The following PCDHGA4 variants were observed in gnomAD, a reference collection of about 807,000 sequenced individuals.
PCDHGA4 encodes protocadherin gamma-A4.
In PCDHGA4, 38 loss-of-function variants were observed where a neutral mutation model predicts 54.6. The ratio of observed to expected loss-of-function variants is 0.70; its 90% CI spans 0.54 to 0.91. PCDHGA4 has a LOEUF of 0.91. PCDHGA4 is among the 40% of genes least tolerant of loss of function. PCDHGA4 has a pLI of 0.00. For synonymous variants in PCDHGA4, 511 were observed against 512.9 expected, an observed-to-expected ratio of 1.00 and a Z score of 0.05; for missense variants, 1,298 against 1,220.9, an observed-to-expected ratio of 1.06 and a Z score of -0.94.
In PCDHGA4 at chr5:141,485,609, G is replaced by A. The variant is rs1432367043; in HGVS notation, c.2515-9198G>A. The A allele has an allele frequency of 6.2e-7, 1 of 1,612,252 alleles. No homozygotes were observed. Among genetic ancestry groups the A allele is most frequent in the Non-Finnish European group, 8.5e-7 (1 of 1,178,656 alleles). On this transcript the variant is annotated intron_variant, in intron 1 of 3. Transcript: ENST00000571252. This position sits in a 1 kb window ranked among gnomAD's most constrained non-coding sequence, Gnocchi z 5.7. ...GCTGGACTTGGAAATTGGGGAGGCA[G>A]CTCCTCCAGGACAGCGTTTCCCGTT...
In PCDHGA4 at chr5:141,477,982, G is replaced by A; in HGVS notation, c.2515-16825G>A. ...CTAACCAGAGCCTTTTTGCCATAGG[G>A]CTGCACACTGGTCAAATCAGTACTG... is the stretch of plus-strand genomic sequence containing the variant. On this transcript the variant is annotated intron_variant, in intron 1 of 3. Transcript: ENST00000571252. The surrounding 1 kb of genome is among the most constrained non-coding windows in gnomAD (Gnocchi z 4.9). 6.2e-7 allele frequency: 1 copy of A among 1,614,066 alleles called. No individual in the cohort carries two copies. Among genetic ancestry groups the A allele is most frequent in the Non-Finnish European group, 8.5e-7 (1 of 1,180,014 alleles).
chr5:141,446,692 G>T (rs543476108), intron 1 of PCDHGA4, among the ~76,000 whole-genome samples: 2 of 152,280 alleles, frequency 1.3e-5, no homozygotes, highest in African/African-American at 4.8e-5. Context: ...TGGCCAGGCT[G>T]GTCTCGAACT....
At chr5:141,498,089 A>G (rs1402239680) in intron 2 of PCDHGA4, among the ~76,000 whole-genome samples, 3 of 152,370 alleles carry the variant, frequency 2.0e-5, no homozygotes, top group South Asian at 2.1e-4. Context: ...GTAGAATTGT[A>G]TCTGGTGGTG....
Position 141,477,265 on chromosome 5 carries a change from G to T in PCDHGA4, c.2515-17542G>T. On this transcript the variant is annotated intron_variant, in intron 1 of 3. Coordinates refer to ENST00000571252, the MANE Select transcript of PCDHGA4 (RefSeq NM_018917.4). The surrounding 1 kb of genome is among the most constrained non-coding windows in gnomAD (Gnocchi z 4.9). ...GTGTGACTGACCTGGATGCTGGCGA[G>T]AACGGGCTGGTGACCTGCGAAGTTC... 6.2e-7 allele frequency: 1 copy of T among 1,614,198 alleles called. No individual in the cohort carries two copies. Among genetic ancestry groups the T allele is most frequent in the Non-Finnish European group, 8.5e-7 (1 of 1,180,044 alleles).
Position 141,485,449 on chromosome 5 carries a change from A to G in PCDHGA4, c.2515-9358A>G, listed in dbSNP as rs2099613844. 6.2e-7 allele frequency: 1 copy of G among 1,614,054 alleles called. No homozygotes were observed. The highest frequency in any genetic ancestry group is 2.2e-5 in the East Asian group (1 of 44,876). On this transcript the variant is annotated intron_variant, in intron 1 of 3. Coordinates refer to ENST00000571252, the MANE Select transcript of PCDHGA4 (RefSeq NM_018917.4). The surrounding 1 kb of genome is among the most constrained non-coding windows in gnomAD (Gnocchi z 5.7). ...TGCTCATCAAGAACCCAATCGACCG[A>G]GAGGCACTGTGTGGGCTCAGTGCCA...
At chr5:141,450,551 G>T (rs2098684306) in intron 1 of PCDHGA4, among the ~76,000 whole-genome samples, 1 of 150,822 alleles carries the variant, frequency 6.6e-6, no homozygotes, top group Admixed American at 6.6e-5. Flanking sequence ...CAGTGGCGCA[G>T]TCTCGGCTCA....
At position 141,489,664 on chromosome 5, in the gene PCDHGA4, A is replaced by G. The variant is rs745597010; in HGVS notation, c.2515-5143A>G. On this transcript the variant is annotated intron_variant, in intron 1 of 3. Transcript: ENST00000571252. The surrounding 1 kb of genome is among the most constrained non-coding windows in gnomAD (Gnocchi z 4.5). ...TGCCACCCCTGAGCGAGAGATGCGCATCTCAGAATCAGCAGCATCTGGGGC... is the reference window on the plus strand; with the variant it reads ...TGCCACCCCTGAGCGAGAGATGCGCGTCTCAGAATCAGCAGCATCTGGGGC... 1 of 1,614,106 alleles carries G rather than the reference A, an allele frequency of 6.2e-7. No homozygotes were observed. The highest frequency in any genetic ancestry group is 8.5e-7 in the Non-Finnish European group (1 of 1,180,050).
rs750401937 is a variant in PCDHGA4 at position 141,487,357 on chromosome 5, T to G, written c.2515-7450T>G. 5.0e-6 allele frequency: 8 copies of G among 1,614,212 alleles called. No homozygotes were observed. The highest frequency in any genetic ancestry group is 6.8e-6 in the Non-Finnish European group (8 of 1,180,032). ...CCTGTGGAGTCACATGCTTTCCTGC[T>G]GGCACCTGTGCCTGTCTCACCAGAT... On this transcript the variant is annotated intron_variant, in intron 1 of 3. Transcript: ENST00000571252. This position sits in a 1 kb window ranked among gnomAD's most constrained non-coding sequence, Gnocchi z 5.0.
chr5:141,491,034 T>A lies in PCDHGA4; in HGVS notation c.2515-3773T>A. On this transcript the variant is annotated intron_variant, in intron 1 of 3. Coordinates refer to ENST00000571252, the MANE Select transcript of PCDHGA4 (RefSeq NM_018917.4). This position sits in a 1 kb window ranked among gnomAD's most constrained non-coding sequence, Gnocchi z 6.9. ...CCAAGGTGACAGCCGTGGATGCTGA[T>A]GCAGGCCACAATGCGTGGCTCTCCT... 1 of 1,614,170 alleles carries A rather than the reference T, an allele frequency of 6.2e-7. No individual in the cohort carries two copies. Among genetic ancestry groups the A allele is most frequent in the African/African-American group, 1.3e-5 (1 of 75,074 alleles).
In PCDHGA4 at chr5:141,464,280, A is replaced by C. The variant is rs934753450; in HGVS notation, c.2515-30527A>C. Among the ~76,000 whole-genome samples, 148 of 75,930 alleles carry C rather than the reference A, an allele frequency of 1.9e-3. 1 individual carries two copies. Among genetic ancestry groups the C allele is most frequent in the African/African-American group, 0.011 (146 of 12,968 alleles). 49.8% of individuals were successfully genotyped at this position (75,930 alleles called of 152,430 possible). Reference sequence around the variant, plus strand: ...ACTCCGTCTAAAAAAAAAAAAAAGCAAAAAAAAAAACTCCATTGTATGTGC... The same window carrying C: ...ACTCCGTCTAAAAAAAAAAAAAAGCCAAAAAAAAAACTCCATTGTATGTGC... On this transcript the variant is annotated intron_variant, in intron 1 of 3. Transcript: ENST00000571252.
At position 141,403,374 on chromosome 5, in the gene PCDHGA4, A is replaced by G. The variant is rs1448394920; in HGVS notation, c.2514+45753A>G. 3.1e-6 allele frequency: 5 copies of G among 1,613,936 alleles called. No individual in the cohort carries two copies. The African/African-American group carries it at 6.7e-5, about 22-fold the overall frequency. ...TTCCAGGCCGAAAGTCTGGAAGTAA[A>G]AATTAACGAAATCGCGGTTCCTGGA... On this transcript the variant is annotated intron_variant, in intron 1 of 3. Transcript: ENST00000571252.
Position 141,485,182 on chromosome 5 carries a change from C to A in PCDHGA4, c.2515-9625C>A. 6.2e-7 allele frequency: 1 copy of A among 1,613,070 alleles called. No individual in the cohort carries two copies. The highest frequency in any genetic ancestry group is 8.5e-7 in the Non-Finnish European group (1 of 1,179,154). On this transcript the variant is annotated intron_variant, in intron 1 of 3. Coordinates refer to ENST00000571252, the MANE Select transcript of PCDHGA4 (RefSeq NM_018917.4). This position sits in a 1 kb window ranked among gnomAD's most constrained non-coding sequence, Gnocchi z 5.7. ...ATTAGCGGGCGGCAGCAATGCTCCG[C>A]AAGGTGAGAAGCTGGACAGAAATCT...
intron 1 of PCDHGA4, among the ~76,000 whole-genome samples, chr5:141,480,720 G>C (rs2099524423): frequency 6.6e-6 from 1 of 152,146 alleles, no homozygotes; most frequent in Non-Finnish European, 1.5e-5. Context: ...TGAAAGCACA[G>C]TCTCTGGGGG....
At chr5:141,364,510 G>A (rs1763366973) in intron 1 of PCDHGA4, 5 of 1,614,022 alleles carry the variant, frequency 3.1e-6, no homozygotes, top group South Asian at 2.2e-5. Context: ...AGGAGCTGGC[G>A]GAGCGCGGAG....
chr5:141,486,590 C>T lies in PCDHGA4; in HGVS notation c.2515-8217C>T, dbSNP rs781629297. On this transcript the variant is annotated intron_variant, in intron 1 of 3. Transcript: ENST00000571252. This position sits in a 1 kb window ranked among gnomAD's most constrained non-coding sequence, Gnocchi z 5.0. Reference sequence around the variant, plus strand: ...TCCTGAGAACAATCGCCCAGGGGACCTGCTTTGCTCCCTTGCAGCCTCTGA... The same window carrying T: ...TCCTGAGAACAATCGCCCAGGGGACTTGCTTTGCTCCCTTGCAGCCTCTGA... The T allele has an allele frequency of 6.2e-7, 1 of 1,613,640 alleles. No individual in the cohort carries two copies.
chr5:141,383,943 T>C (rs1229813206), intron 1 of PCDHGA4: 1 of 1,613,674 alleles, frequency 6.2e-7, no homozygotes, highest in Admixed American at 1.7e-5. Flanking sequence ...CAGAAGTGAC[T>C]ATGACGTCTT....
At chr5:141,433,349 T>C in intron 1 of PCDHGA4, 1 of 616,610 alleles carries the variant, frequency 1.6e-6, no homozygotes, top group East Asian at 2.8e-5. Flanking sequence ...GCAAGCCACC[T>C]ACTGTCTGCC....
intron 1 of PCDHGA4, chr5:141,398,997 G>A: frequency 6.2e-7 from 1 of 1,613,934 alleles, no homozygotes; most frequent in Non-Finnish European, 8.5e-7. Flanking sequence ...TCTTTAGTCT[G>A]AATTCAAAGA....
At chr5:141,389,525 CGT>C in intron 1 of PCDHGA4, 1 of 1,613,170 alleles carries the variant, frequency 6.2e-7, no homozygotes, top group Non-Finnish European at 8.5e-7. Context: ...TGAGCCTGCG[CGT>C]GTTAGTGGAC....
Sources: gnomAD v4.1 joint callset for allele counts (sites outside exome capture counted in the v4.1 genomes callset) on GRCh38, gnomAD v4.1.1 for gene constraint, Gnocchi (gnomAD v3.1) non-coding constraint, MANE v1.5 for transcripts, NCBI Gene and HGNC (gene_info 2026-07-23, HGNC 2026-07-21) for gene names.